Variants in RGS12 observed in about 807,000 individuals in gnomAD.
RGS12 encodes the protein regulator of G protein signaling 12.
Under a neutral mutation model 120.1 loss-of-function variants are expected in RGS12, and 66 were observed. That is an observed-to-expected ratio of 0.55 (90% CI 0.45 to 0.67). RGS12 has a LOEUF of 0.67. Ranked by LOEUF, RGS12 falls within the 30% of genes least tolerant of loss-of-function variation. The pLI is 0.00. For missense variants in RGS12, 1,859 were observed against 1,957.7 expected (o/e 0.95, Z 0.95); for synonymous variants, 827 against 804.7 (o/e 1.03, Z -0.47).
chr4:3,323,908 A>C (rs1293065343), intron 2 of RGS12: 1 of 101,166 alleles, frequency 9.9e-6, no homozygotes, highest in Non-Finnish European at 2.2e-5. Context: ...AGAGAGAGAG[A>C]ATGCCCCCTT....
chr4:3,439,560 A>C lies in RGS12; in HGVS notation c.4220A>C (p.Gln1407Pro). ...PGRDGGIAGA[Q>P]AGPGRSQASG... ...CGGGATGGTGGCATAGCGGGGGCACAGGCTGGCCCTGGGAGGTCGCAGGCC... is the reference window on the plus strand; with the variant it reads ...CGGGATGGTGGCATAGCGGGGGCACCGGCTGGCCCTGGGAGGTCGCAGGCC... Residue 1407 changes from glutamine to proline, a missense_variant, in exon 18 of 18, where the codon CAG (glutamine) becomes CCG (proline). By Grantham distance (76) the Gln-to-Pro change is moderately conservative (BLOSUM62 -1). Around this residue, in one of 3 missense-constraint regions of RGS12, gnomAD observed 517 missense variants for 488.5 expected, o/e 1.06. Coordinates refer to ENST00000336727, the MANE Select transcript of RGS12 (RefSeq NM_001394154.1). The C allele has an allele frequency of 6.2e-7, 1 of 1,612,150 alleles. No individual in the cohort carries two copies. The highest frequency in any genetic ancestry group is 8.5e-7 in the Non-Finnish European group (1 of 1,179,586).
At position 3,377,799 on chromosome 4, in the gene RGS12, C is replaced by T. The variant is rs560813149; in HGVS notation, c.1999-8617C>T. ...GAGCTGCCGCGTTCAAGAGACCCACCGAGGAGCAGAGGTTGTGTGGACTTA... is the reference window on the plus strand; with the variant it reads ...GAGCTGCCGCGTTCAAGAGACCCACTGAGGAGCAGAGGTTGTGTGGACTTA... On this transcript the variant is annotated intron_variant, in intron 3 of 17. Transcript: ENST00000336727. Among the ~76,000 whole-genome samples the T allele has an allele frequency of 1.3e-4, 20 of 152,260 alleles. No homozygotes were observed. In the East Asian group the frequency reaches 3.1e-3, roughly 23 times the overall value.
intron 2 of RGS12, among the ~76,000 whole-genome samples, chr4:3,335,956 G>A (rs1341813755): frequency 6.6e-6 from 1 of 152,140 alleles, no homozygotes; most frequent in Non-Finnish European, 1.5e-5. Flanking sequence ...TCCGGGCATG[G>A]TGGTGCGTGC....
intron 6 of RGS12, among the ~76,000 whole-genome samples, 179 bp downstream of exon 6, chr4:3,415,023 G>C (rs1443488794): frequency 6.8e-6 from 1 of 146,620 alleles, no homozygotes; most frequent in South Asian, 2.2e-4. Flanking sequence ...GTGTGAGAGG[G>C]GCGTGTGAGA....
chr4:3,398,837 C>G (rs1720303830), intron 4 of RGS12, among the ~76,000 whole-genome samples: 1 of 152,074 alleles, frequency 6.6e-6, no homozygotes, highest in African/African-American at 2.4e-5. Flanking sequence ...GGAAAATACA[C>G]TTTTTTTCTA....
intron 5 of RGS12, chr4:3,414,459 C>A: frequency 1.6e-6 from 1 of 607,538 alleles, no homozygotes; most frequent in South Asian, 2.2e-5. Context: ...CGTCCCTGGC[C>A]CTCCCGCTCT....
chr4:3,399,664 A>G (rs1012310761), intron 4 of RGS12, among the ~76,000 whole-genome samples: 2 of 152,274 alleles, frequency 1.3e-5, no homozygotes, highest in African/African-American at 4.8e-5. Flanking sequence ...ATAAATCAAC[A>G]TAGGCAAAAA....
In RGS12 at chr4:3,375,716, C is replaced by T. The variant is rs1306786808; in HGVS notation, c.1999-10700C>T. On this transcript the variant is annotated intron_variant, in intron 3 of 17. Transcript: ENST00000336727. ...CTCATCTCCAGCCCTCATCTCCAGC[C>T]TCATCTCCAGCCCTCATCTCCAGCC... Among the ~76,000 whole-genome samples, 7 of 145,040 alleles carry T rather than the reference C, an allele frequency of 4.8e-5. 1 individual carries two copies. In the East Asian group the frequency reaches 1.5e-3, roughly 30 times the overall value.
intron 2 of RGS12, among the ~76,000 whole-genome samples, chr4:3,329,159 G>T (rs571629584): frequency 1.9e-4 from 29 of 152,194 alleles, no homozygotes; most frequent in African/African-American, 5.8e-4. Flanking sequence ...TGTGGGTCAA[G>T]AAGAGGAGAA....
intron 17 of RGS12, chr4:3,431,407 TCC>T: frequency 1.0e-6 from 1 of 1,001,364 alleles, no homozygotes; most frequent in Non-Finnish European, 1.2e-6. Context: ...AGGAGAGGGC[TCC>T]CAGACACAGG....
intron 1 of RGS12, among the ~76,000 whole-genome samples, chr4:3,293,457 G>T (rs1049936077): frequency 6.6e-6 from 1 of 150,846 alleles, no homozygotes; most frequent in African/African-American, 2.4e-5. Flanking sequence ...CGGGCAGGGG[G>T]TCCCGCGGGC....
Position 3,299,169 on chromosome 4 carries a change from C to T in RGS12, c.-102+6070C>T, listed in dbSNP as rs182319818. 3.1e-3 allele frequency among the ~76,000 whole-genome samples: 467 copies of T among 152,076 alleles called. 1 individual carries two copies. The highest frequency in any genetic ancestry group is 0.01 in the African/African-American group (427 of 41,482). ...TCTCTGCTTGGTGCTGTTGACCTTCCGGCTGCCTCCTTCTGCTGGACTCTG... is the reference window on the plus strand; with the variant it reads ...TCTCTGCTTGGTGCTGTTGACCTTCTGGCTGCCTCCTTCTGCTGGACTCTG... On this transcript the variant is annotated intron_variant, in intron 1 of 17. Transcript: ENST00000336727.
chr4:3,435,408 G>C (rs1482367606), intron 17 of RGS12, among the ~76,000 whole-genome samples: 1 of 152,112 alleles, frequency 6.6e-6, no homozygotes, highest in Admixed American at 6.5e-5. Flanking sequence ...CCCTCACTCT[G>C]ATGTGGATTG....
In RGS12 at chr4:3,430,615, C is replaced by A; in HGVS notation, c.3774C>A (p.Gly1258=). 1.2e-6 allele frequency: 2 copies of A among 1,610,412 alleles called. No individual in the cohort carries two copies. Among genetic ancestry groups the A allele is most frequent in the Non-Finnish European group, 8.5e-7 (1 of 1,178,910 alleles). The change falls in exon 17 of 18, where the codon GGC becomes GGA. Residue 1258 remains glycine, a synonymous_variant. Coordinates refer to ENST00000336727, the MANE Select transcript of RGS12 (RefSeq NM_001394154.1). ...GCCGGGAGAGCGCCTCCCAGCCTGG[C>A]GAGCAGTGGGAGCCAGTCCAGGAGA... ...GNGRESASQP[G]EQWEPVQESS... is the part of the protein sequence containing the mutation.
intron 2 of RGS12, among the ~76,000 whole-genome samples, chr4:3,336,248 TG>T (rs1712447031): frequency 6.6e-6 from 1 of 152,318 alleles, no homozygotes; most frequent in East Asian, 1.9e-4. Flanking sequence ...TTCCCAGCCC[TG>T]GGGTGGCAGC....
intron 1 of RGS12, among the ~76,000 whole-genome samples, chr4:3,296,168 C>G (rs1375255134): frequency 6.6e-6 from 1 of 152,170 alleles, no homozygotes; most frequent in Non-Finnish European, 1.5e-5. Flanking sequence ...TGTCACATCG[C>G]TGTCTTTCTC....
intron 1 of RGS12, among the ~76,000 whole-genome samples, chr4:3,298,110 C>T (rs1351879084): frequency 6.6e-6 from 1 of 152,174 alleles, no homozygotes; most frequent in Non-Finnish European, 1.5e-5. Flanking sequence ...GCCTCAAGCT[C>T]ATAGAAGCGG....
At chr4:3,331,166 A>G (rs1045391457) in intron 2 of RGS12, among the ~76,000 whole-genome samples, 2 of 152,202 alleles carry the variant, frequency 1.3e-5, no homozygotes, top group African/African-American at 4.8e-5. Flanking sequence ...AAACACATAT[A>G]TTTAATATCC....
chr4:3,365,503 G>A lies in RGS12; in HGVS notation c.1999-20913G>A, dbSNP rs1312128090. Reference sequence around the variant, plus strand: ...TGTACTGTGATCTTGCCCATCCAGAGCTGTAAATCCCAGCAAAAACCGACG... The same window carrying A: ...TGTACTGTGATCTTGCCCATCCAGAACTGTAAATCCCAGCAAAAACCGACG... On this transcript the variant is annotated intron_variant, in intron 3 of 17. Coordinates refer to ENST00000336727, the MANE Select transcript of RGS12 (RefSeq NM_001394154.1). The surrounding 1 kb of genome is among the most constrained non-coding windows in gnomAD (Gnocchi z 4.0). Among the ~76,000 whole-genome samples, 1 of 152,138 alleles carries A rather than the reference G, an allele frequency of 6.6e-6. No homozygotes were observed. Among genetic ancestry groups the A allele is most frequent in the African/African-American group, 2.4e-5 (1 of 41,412 alleles).
Sources: gnomAD v4.1 joint callset for allele counts (sites outside exome capture counted in the v4.1 genomes callset) on GRCh38, gnomAD v4.1.1 for gene constraint, gnomAD v4.1.1 regional missense constraint, Gnocchi (gnomAD v3.1) non-coding constraint, MANE v1.5 for transcripts, NCBI Gene and HGNC (gene_info 2026-07-23, HGNC 2026-07-21) for gene names.